Variants in PHKA1 observed in about 807,000 individuals in gnomAD.
PHKA1 encodes phosphorylase kinase regulatory subunit alpha 1.
In PHKA1, 60 loss-of-function variants were observed where a neutral mutation model predicts 110.2. The observed-to-expected ratio is 0.54, with a 90% CI of 0.44 to 0.68. The LOEUF (loss-of-function observed/expected upper bound fraction) is 0.68. PHKA1 is among the 30% of genes least tolerant of loss of function. The pLI, the probability that PHKA1 is intolerant of heterozygous loss-of-function variation, is 0.00. For missense variants in PHKA1, 801 were observed against 942.5 expected (o/e 0.85, Z 1.97); for synonymous variants, 316 against 333.6 (o/e 0.95, Z 0.58).
chrX:72,682,877 C>A (rs782597512), intron 5 of PHKA1, among the ~76,000 whole-genome samples: 103 of 77,330 alleles, frequency 1.3e-3, no homozygotes, highest in African/African-American at 5.0e-3. Context: ...TGTCCCATGA[C>A]CCTGCCAAAT....
At chrX:72,604,812 A>G (rs1219977006) in intron 25 of PHKA1, among the ~76,000 whole-genome samples, 2 of 111,782 alleles carry the variant, frequency 1.8e-5, no homozygotes, top group Non-Finnish European at 3.8e-5. Context: ...AATTTCAAAG[A>G]GAGTCTTGTC....
chrX:72,595,207 T>C (rs1364888852), intron 28 of PHKA1, among the ~76,000 whole-genome samples: 1 of 111,747 alleles, frequency 8.9e-6, no homozygotes, highest in Non-Finnish European at 1.9e-5. Context: ...TCTTAATAGA[T>C]ACAGAAAAAA....
chrX:72,708,195 A>G (rs2054318856), intron 2 of PHKA1, among the ~76,000 whole-genome samples: 1 of 112,026 alleles, frequency 8.9e-6, no homozygotes, highest in African/African-American at 3.2e-5. Flanking sequence ...GGTACCATCA[A>G]ATTCCAGCTT....
At chrX:72,711,507 G>A (rs1184763935) in intron 2 of PHKA1, among the ~76,000 whole-genome samples, 1 of 111,269 alleles carries the variant, frequency 9.0e-6, no homozygotes, top group Non-Finnish European at 1.9e-5. Context: ...CGCTTTGGGA[G>A]GCCGAGGCGG....
intron 4 of PHKA1, among the ~76,000 whole-genome samples, chrX:72,693,176 T>C (rs1273262571): frequency 8.9e-6 from 1 of 111,738 alleles, no homozygotes; most frequent in Admixed American, 9.6e-5. Context: ...AGAACATACT[T>C]TGTGTGATTT....
At chrX:72,581,832 T>C (rs1462002070) in intron 31 of PHKA1, among the ~76,000 whole-genome samples, 1 of 112,544 alleles carries the variant, frequency 8.9e-6, no homozygotes, top group Non-Finnish European at 1.9e-5. Context: ...CCTTCACTTA[T>C]GTGCTCCTAC....
At chrX:72,691,929 G>A (rs1315056215) in intron 4 of PHKA1, among the ~76,000 whole-genome samples, 1 of 112,009 alleles carries the variant, frequency 8.9e-6, no homozygotes, top group African/African-American at 3.2e-5. Context: ...TGATGTCCTT[G>A]TCTTATTCTG....
intron 28 of PHKA1, among the ~76,000 whole-genome samples, chrX:72,594,812 C>T (rs1449645626): frequency 3.6e-5 from 4 of 112,243 alleles, no homozygotes; most frequent in African/African-American, 1.3e-4. Context: ...AATAAACAAA[C>T]GTTCCCACAT....
chrX:72,613,043 G>A (rs1441249570), intron 21 of PHKA1, among the ~76,000 whole-genome samples: 1 of 111,261 alleles, frequency 9.0e-6, no homozygotes, highest in Non-Finnish European at 1.9e-5. Flanking sequence ...CAAGCATTGT[G>A]AAGATTCCAG....
At chrX:72,608,428 C>T (rs139318584) in intron 23 of PHKA1, among the ~76,000 whole-genome samples, 1,452 of 111,759 alleles carry the variant, frequency 0.013, 17 homozygotes, top group African/African-American at 0.034. Context: ...CCCACTCTAG[C>T]TGATGTCTCA....
rs782401345 is a variant in PHKA1 at position 72,695,843 on chromosome X, T to C, written c.319A>G (p.Ser107Gly). 1 of 1,206,868 alleles carries C rather than the reference T, an allele frequency of 8.3e-7. No individual in the cohort carries two copies. Among genetic ancestry groups the C allele is most frequent in the Admixed American group, 2.2e-5 (1 of 45,994 alleles). ...TTTGCATGGAGGCTATCCTTAGTAC[T>C]CTGACTATATTTGAAGGATTCTACT... ...DKVESFKYSQ[S>G]TKDSLHAKYN... is the part of the protein sequence containing the mutation. Residue 107 changes from serine to glycine, a missense_variant, in exon 4 of 32, where the codon AGT becomes GGT. By Grantham distance (56) the Ser-to-Gly change is moderately conservative. Transcript: ENST00000373542.
intron 2 of PHKA1, among the ~76,000 whole-genome samples, chrX:72,706,704 G>C (rs2054288790): frequency 9.0e-6 from 1 of 111,319 alleles, no homozygotes; most frequent in African/African-American, 3.3e-5. Context: ...TATTCTGTAA[G>C]AATCCTGGGC....
intron 5 of PHKA1, among the ~76,000 whole-genome samples, chrX:72,677,480 T>G (rs1467256713): frequency 2.7e-5 from 3 of 111,992 alleles, no homozygotes; most frequent in Non-Finnish European, 5.6e-5. Context: ...CCAGAAACAA[T>G]TATTACAGTG....
chrX:72,581,511 G>A (rs1014472766), intron 31 of PHKA1, among the ~76,000 whole-genome samples: 7 of 111,586 alleles, frequency 6.3e-5, no homozygotes, highest in East Asian at 2.8e-4. Context: ...ACAAATCACC[G>A]TAGTAGAGCT....
At chrX:72,707,054 C>T (rs1274569303) in intron 2 of PHKA1, among the ~76,000 whole-genome samples, 1 of 111,663 alleles carries the variant, frequency 9.0e-6, no homozygotes, top group Admixed American at 9.5e-5. Context: ...TACATCAGGG[C>T]TTCTACCCCA....
chrX:72,623,957 A>C (rs916787446), intron 17 of PHKA1, among the ~76,000 whole-genome samples: 1 of 112,049 alleles, frequency 8.9e-6, no homozygotes. Context: ...TTTTTTTAAC[A>C]TAAGAATTTC....
At chrX:72,589,724 G>A (rs1235496064) in intron 29 of PHKA1, among the ~76,000 whole-genome samples, 2 of 107,220 alleles carry the variant, frequency 1.9e-5, no homozygotes, top group African/African-American at 3.3e-5. Context: ...AGCAACTTCA[G>A]CAAAGTCTCA....
intron 13 of PHKA1, 67 bp from the exon 14 acceptor site, chrX:72,644,563 A>T: frequency 3.1e-6 from 3 of 977,282 alleles, no homozygotes; most frequent in Non-Finnish European, 4.3e-6. Flanking sequence ...ACAATCTCTC[A>T]AGTTATATAA....
At chrX:72,694,509 C>T (rs1309506018) in intron 4 of PHKA1, among the ~76,000 whole-genome samples, 6 of 112,204 alleles carry the variant, frequency 5.3e-5, no homozygotes, top group African/African-American at 1.6e-4. Context: ...TAGAAGATAT[C>T]CAGCCTTACC....
Sources: allele counts gnomAD v4.1 joint callset (sites outside exome capture counted in the v4.1 genomes callset), GRCh38; gene constraint gnomAD v4.1.1; transcripts MANE v1.5; gene names NCBI Gene and HGNC (gene_info 2026-07-23, HGNC 2026-07-21).